ATXN1: variants seen among roughly 807,000 people sequenced by gnomAD.
ATXN1 encodes the protein ataxin 1, also known as ataxin-1.
A neutral mutation model predicts 56.4 loss-of-function variants in ATXN1; 8 were observed. The ratio of observed to expected loss-of-function variants is 0.14; its 90% CI spans 0.08 to 0.26. The LOEUF (loss-of-function observed/expected upper bound fraction) is 0.26. Among genes scored for constraint, ATXN1 ranks in the 10% least tolerant of loss-of-function variants. The pLI, the probability that ATXN1 is intolerant of heterozygous loss-of-function variation, is 1.00. For synonymous variants in ATXN1, 514 were observed against 494.6 expected (o/e 1.04, Z -0.52); for missense variants, 987 against 1,106.5 (o/e 0.89, Z 1.53).
At chr6:16,572,749 A>T (rs1185520321) in intron 4 of ATXN1, among the ~76,000 whole-genome samples, 1 of 152,206 alleles carries the variant, frequency 6.6e-6, no homozygotes, top group Non-Finnish European at 1.5e-5. Context: ...CGTTGAAAAG[A>T]CATGGTACCT....
chr6:16,322,832 G>A (rs1760706088), intron 7 of ATXN1, among the ~76,000 whole-genome samples: 1 of 152,212 alleles, frequency 6.6e-6, no homozygotes, highest in East Asian at 1.9e-4. Flanking sequence ...TAGCTGTGAT[G>A]ATGTCAGCCG....
chr6:16,671,700 C>T (rs969986475), intron 2 of ATXN1, among the ~76,000 whole-genome samples: 2 of 152,134 alleles, frequency 1.3e-5, no homozygotes, highest in African/African-American at 4.8e-5. Context: ...TATATCAACA[C>T]AAGAGTTAAT....
chr6:16,755,086 A>G (rs1251327384), intron 1 of ATXN1, among the ~76,000 whole-genome samples: 3 of 152,238 alleles, frequency 2.0e-5, no homozygotes, highest in African/African-American at 4.8e-5. Flanking sequence ...TCCTGTTTAC[A>G]TATCACCTGG....
At chr6:16,700,811 T>C (rs770231534) in intron 2 of ATXN1, among the ~76,000 whole-genome samples, 1 of 152,282 alleles carries the variant, frequency 6.6e-6, no homozygotes, top group East Asian at 1.9e-4. Flanking sequence ...TGCTTTTAGC[T>C]GCTAGGCTTT....
intron 1 of ATXN1, among the ~76,000 whole-genome samples, chr6:16,758,998 G>C (rs1290584129): frequency 6.6e-6 from 1 of 152,150 alleles, no homozygotes; most frequent in Non-Finnish European, 1.5e-5. Flanking sequence ...AAAAGCTCAA[G>C]TATCAAACTA....
intron 4 of ATXN1, among the ~76,000 whole-genome samples, chr6:16,550,155 C>CAAAAAAAAAAAAAAAA (rs70999336): frequency 1.1e-5 from 1 of 91,196 alleles, no homozygotes; most frequent in African/African-American, 4.5e-5. Context: ...AAATAAAATA[C>CAAAAAAAAAAAAAAAA]AAAAAAAAAA....
intron 6 of ATXN1, among the ~76,000 whole-genome samples, chr6:16,444,269 T>C (rs949122068): frequency 5.9e-5 from 9 of 152,156 alleles, no homozygotes; most frequent in African/African-American, 2.2e-4. Flanking sequence ...TCTCCAAATA[T>C]CATTTCTCAC....
rs1188047681 is a variant in ATXN1, at chr6:16,760,226, G to GCGCCTCCTCCGCGGCGGC, written c.-730+1054_-730+1071dup. Among the ~76,000 whole-genome samples the GCGCCTCCTCCGCGGCGGC allele has an allele frequency of 2.0e-5, 3 of 151,970 alleles. No homozygotes were observed. The highest frequency in any genetic ancestry group is 7.2e-5 in the African/African-American group (3 of 41,472). On this transcript the variant is annotated intron_variant, in intron 1 of 7. Coordinates refer to ENST00000436367, the MANE Select transcript of ATXN1 (RefSeq NM_001128164.2). This position sits in a 1 kb window ranked among gnomAD's most constrained non-coding sequence, Gnocchi z 5.3. ...TCCAGGGCGCATCCCAATCCCCGCA[G>GCGCCTCCTCCGCGGCGGC]CGCCTCCTCCGCGGCGGCCGCCGCC...
At chr6:16,337,129 T>C (rs1722091603) in intron 6 of ATXN1, among the ~76,000 whole-genome samples, 1 of 152,222 alleles carries the variant, frequency 6.6e-6, no homozygotes, top group Non-Finnish European at 1.5e-5. Context: ...GTTAAGTTGC[T>C]GTCTCCCTTA....
chr6:16,299,820 G>A lies in ATXN1; in HGVS notation c.*6509C>T, dbSNP rs1417003690. 6.6e-6 allele frequency: 1 copy of A among 152,624 alleles called. No individual in the cohort carries two copies. Among genetic ancestry groups the A allele is most frequent in the Admixed American group, 6.5e-5 (1 of 15,282 alleles). The allele number at this position is 152,624 out of a possible 1,614,324, so 9.5% of individuals were successfully genotyped here. ...TTAGAGTTGAGCAGTTCAGGCTGGGGAGATGAGGAAACCCCGCCAAAAAGG... is the reference window on the plus strand; with the variant it reads ...TTAGAGTTGAGCAGTTCAGGCTGGGAAGATGAGGAAACCCCGCCAAAAAGG... On this transcript the variant is annotated 3_prime_UTR_variant, in exon 8 of 8. Transcript: ENST00000436367.
intron 7 of ATXN1, among the ~76,000 whole-genome samples, chr6:16,315,381 C>T (rs1373748186): frequency 6.6e-6 from 1 of 152,098 alleles, no homozygotes; most frequent in Non-Finnish European, 1.5e-5. Flanking sequence ...TATTTTTTTA[C>T]TACCTCCACC....
intron 2 of ATXN1, among the ~76,000 whole-genome samples, chr6:16,743,784 G>C (rs1760427304): frequency 6.6e-6 from 1 of 152,118 alleles, no homozygotes; most frequent in Non-Finnish European, 1.5e-5. Context: ...AGAGGAGCTG[G>C]GTTCTAAGGA....
At chr6:16,565,839 G>A (rs1028817860) in intron 4 of ATXN1, among the ~76,000 whole-genome samples, 1 of 152,128 alleles carries the variant, frequency 6.6e-6, no homozygotes, top group African/African-American at 2.4e-5. Context: ...TTTATAACAG[G>A]TTACTATGGT....
chr6:16,525,091 G>C (rs1351693081), intron 4 of ATXN1, among the ~76,000 whole-genome samples: 1 of 152,104 alleles, frequency 6.6e-6, no homozygotes, highest in East Asian at 1.9e-4. Flanking sequence ...GTGAGTACCT[G>C]TACTGTATTC....
At chr6:16,508,189 G>C (rs1761015258) in intron 5 of ATXN1, among the ~76,000 whole-genome samples, 1 of 152,178 alleles carries the variant, frequency 6.6e-6, no homozygotes, top group Admixed American at 6.5e-5. Context: ...ACGTCAAGAT[G>C]ATGTGCTTTG....
intron 6 of ATXN1, among the ~76,000 whole-genome samples, chr6:16,426,875 G>GA (rs147467180): frequency 0.27 from 35,830 of 134,572 alleles, 4,582 homozygotes; most frequent in Non-Finnish European, 0.31. Flanking sequence ...CTGGGGGAAA[G>GA]AAAAAAAAAA....
chr6:16,694,785 G>C (rs914607774), intron 2 of ATXN1, among the ~76,000 whole-genome samples: 1 of 152,176 alleles, frequency 6.6e-6, no homozygotes, highest in Non-Finnish European at 1.5e-5. Flanking sequence ...TCCAGTGACA[G>C]AGGTTTCACT....
intron 2 of ATXN1, among the ~76,000 whole-genome samples, chr6:16,710,847 C>T (rs1346466702): frequency 6.6e-6 from 1 of 152,118 alleles, no homozygotes; most frequent in East Asian, 1.9e-4. Flanking sequence ...CTCGGCCTCC[C>T]AAAGTACTGG....
intron 5 of ATXN1, among the ~76,000 whole-genome samples, chr6:16,500,227 T>G (rs1356202412): frequency 2.0e-5 from 3 of 152,236 alleles, no homozygotes; most frequent in African/African-American, 7.2e-5. Flanking sequence ...AACAACCGTG[T>G]GAAAGTAAGT....
Sources: gnomAD v4.1 joint callset for allele counts (sites outside exome capture counted in the v4.1 genomes callset) on GRCh38, gnomAD v4.1.1 for gene constraint, Gnocchi (gnomAD v3.1) non-coding constraint, MANE v1.5 for transcripts, NCBI Gene and HGNC (gene_info 2026-07-23, HGNC 2026-07-21) for gene names.